The following NPNT variants were observed in gnomAD, a reference collection of about 807,000 sequenced individuals.
NPNT encodes the protein preosteoblast EGF-like repeat protein with MAM domain.
A neutral mutation model predicts 68.6 loss-of-function variants in NPNT; 45 were observed. The ratio of observed to expected loss-of-function variants is 0.66; its 90% CI spans 0.52 to 0.84. The LOEUF (loss-of-function observed/expected upper bound fraction) is 0.84. Among genes scored for constraint, NPNT ranks in the 40% least tolerant of loss-of-function variants. The pLI, the probability that NPNT is intolerant of heterozygous loss-of-function variation, is 0.00. For missense variants in NPNT, 672 were observed against 714.8 expected (o/e 0.94, Z 0.68); for synonymous variants, 233 against 253.3 (o/e 0.92, Z 0.76).
intron 10 of NPNT, among the ~76,000 whole-genome samples, chr4:105,966,142 T>C (rs918873813): frequency 3.9e-5 from 6 of 152,234 alleles, no homozygotes; most frequent in African/African-American, 9.6e-5. Flanking sequence ...CCAAAATAGA[T>C]ACACATGTTC....
chr4:105,900,834 G>GT (rs765343668), intron 2 of NPNT, among the ~76,000 whole-genome samples: 10,857 of 96,562 alleles, frequency 0.11, 545 homozygotes, highest in African/African-American at 0.22. Context: ...ACCCTTGGTT[G>GT]TTTTTTTTTT....
At chr4:105,951,284 C>T (rs1730817347) in intron 8 of NPNT, among the ~76,000 whole-genome samples, 2 of 152,154 alleles carry the variant, frequency 1.3e-5, no homozygotes, top group Non-Finnish European at 2.9e-5. Context: ...TTATGAGTGG[C>T]CATATCAGAG....
chr4:105,925,870 T>C lies in NPNT; in HGVS notation c.173-1466T>C, dbSNP rs1728638847. On this transcript the variant is annotated intron_variant, in intron 2 of 11. Coordinates refer to ENST00000379987, the MANE Select transcript of NPNT (RefSeq NM_001033047.3). ...AGAGCTTTGATAAGATTCCCAGAGC[T>C]TTGATTTTTATCAGGCAGTTATGAT... Among the ~76,000 whole-genome samples the C allele has an allele frequency of 2.0e-5, 3 of 152,308 alleles. No homozygotes were observed. The South Asian group carries it at 6.2e-4, about 32-fold the overall frequency.
chr4:105,952,418 C>A (rs1730905740), intron 8 of NPNT, among the ~76,000 whole-genome samples: 1 of 152,182 alleles, frequency 6.6e-6, no homozygotes, highest in African/African-American at 2.4e-5. Context: ...CACATCATCT[C>A]AACTTCTTTA....
rs372060820 is a variant in NPNT, at chr4:105,942,263, G to A, written c.764-44G>A. The A allele has an allele frequency of 1.4e-5, 21 of 1,472,680 alleles. No individual in the cohort carries two copies. The African/African-American group carries it at 2.4e-4, about 17-fold the overall frequency. The allele number at this position is 1,472,680 out of a possible 1,614,324, so 91.2% of individuals were successfully genotyped here. A position where few individuals can be genotyped will look rare whatever the true frequency, so the allele number is the denominator to read the frequency against. On this transcript the variant is annotated intron_variant, in intron 7 of 11. Coordinates refer to ENST00000379987, the MANE Select transcript of NPNT (RefSeq NM_001033047.3). ...TGTCAGTGTAATGCTTCACTTTTTA[G>A]GGAGGAATGGTTACATACTGATTTA...
At chr4:105,931,229 A>G (rs1393081626) in intron 3 of NPNT, among the ~76,000 whole-genome samples, 2 of 152,170 alleles carry the variant, frequency 1.3e-5, no homozygotes, top group Non-Finnish European at 1.5e-5. Flanking sequence ...GATTTTTAGT[A>G]TGTAAATATA....
rs148500512 is a variant in NPNT, at chr4:105,949,408, T to A, written c.1159+6706T>A. Among the ~76,000 whole-genome samples the A allele has an allele frequency of 5.1e-3, 783 of 152,286 alleles. 8 individuals carry two copies. Among genetic ancestry groups the A allele is most frequent in the African/African-American group, 0.018 (743 of 41,566 alleles). The stretch of plus-strand genomic sequence containing the variant: ...GTATCCCTCACTAGTTAGCTCTCGT[T>A]GCCTGGTTTTTGAGACTAATGGGTT... On this transcript the variant is annotated intron_variant, in intron 8 of 11. Transcript: ENST00000379987.
chr4:105,955,820 T>G (rs4403054), intron 8 of NPNT, among the ~76,000 whole-genome samples: 23,881 of 152,000 alleles, frequency 0.16, 3,106 homozygotes, highest in African/African-American at 0.36. Flanking sequence ...GGTGGGTAGT[T>G]TTTTTTCTCT....
intron 10 of NPNT, among the ~76,000 whole-genome samples, chr4:105,963,538 G>A (rs1420973766): frequency 6.6e-6 from 1 of 152,010 alleles, no homozygotes; most frequent in Admixed American, 6.6e-5. Context: ...AATTAACAAT[G>A]CCTCTAAGAA....
intron 8 of NPNT, among the ~76,000 whole-genome samples, chr4:105,950,452 A>T (rs1730734162): frequency 1.3e-5 from 2 of 151,790 alleles, no homozygotes; most frequent in African/African-American, 4.8e-5. Context: ...TTTATTTATT[A>T]TTTATTTATT....
chr4:105,959,812 T>C (rs898469415), intron 10 of NPNT, among the ~76,000 whole-genome samples: 36 of 124,708 alleles, frequency 2.9e-4, no homozygotes, highest in Non-Finnish European at 4.9e-4. Flanking sequence ...GTTAAATCTT[T>C]TTTTTTTTTT....
chr4:105,954,485 T>C (rs1731065947), intron 8 of NPNT, among the ~76,000 whole-genome samples: 2 of 152,206 alleles, frequency 1.3e-5, no homozygotes, highest in African/African-American at 4.8e-5. Context: ...ACTACCAGAA[T>C]GGTCATTTCA....
At position 105,895,675 on chromosome 4, in the gene NPNT, T is replaced by G. The variant is rs1177997825; in HGVS notation, c.23T>G (p.Val8Gly). The G allele has an allele frequency of 1.3e-6, 2 of 1,552,962 alleles. No homozygotes were observed. The highest frequency in any genetic ancestry group is 2.7e-5 in the African/African-American group (2 of 73,192). Residue 8 changes from valine to glycine, a missense_variant, in exon 1 of 12, where the codon GTG becomes GGG. By Grantham distance (109) the Val-to-Gly change is moderately radical (BLOSUM62 -3). Transcript: ENST00000379987. ...AACATGGATTTTCTCCTGGCGCTGG[T>G]GCTGGTATCCTCGCTCTACCTGCAG... MDFLLAL[V>G]LVSSLYLQAA...
chr4:105,911,547 T>G (rs1349206205), intron 2 of NPNT: 1 of 152,572 alleles, frequency 6.6e-6, no homozygotes, highest in Non-Finnish European at 1.5e-5. Flanking sequence ...TTCTTCCCTT[T>G]ACTTTCATCA....
chr4:105,962,883 G>GTGTGTATGTGTGTGTGTA (rs1396416651), intron 10 of NPNT, among the ~76,000 whole-genome samples: 1 of 151,268 alleles, frequency 6.6e-6, no homozygotes, highest in African/African-American at 2.4e-5. Flanking sequence ...GTGTGTGTGT[G>GTGTGTATGTGTGTGTGTA]TATGTATGTG....
At chr4:105,931,094 C>T (rs373952163) in intron 3 of NPNT, among the ~76,000 whole-genome samples, 2 of 152,102 alleles carry the variant, frequency 1.3e-5, no homozygotes, top group East Asian at 1.9e-4. Flanking sequence ...TTTACTTTTA[C>T]TTTTATTTAT....
Position 105,970,452 on chromosome 4 carries a change from A to G in NPNT, c.*1462A>G. Reference sequence around the variant, plus strand: ...ATGGAAAATTAAAGGAACTGGGATTATTGAGCCTGGAGAAGAGAAGACTGA... The same window carrying G: ...ATGGAAAATTAAAGGAACTGGGATTGTTGAGCCTGGAGAAGAGAAGACTGA... On this transcript the variant is annotated 3_prime_UTR_variant, in exon 12 of 12. Transcript: ENST00000379987. 1.4e-6 allele frequency: 1 copy of G among 700,126 alleles called. No homozygotes were observed. Among genetic ancestry groups the G allele is most frequent in the Non-Finnish European group, 2.6e-6 (1 of 382,918 alleles). The allele number at this position is 700,126 out of a possible 1,614,324, so 43.4% of individuals were successfully genotyped here. A position where few individuals can be genotyped will look rare whatever the true frequency, so the allele number is the denominator to read the frequency against.
Position 105,971,590 on chromosome 4 carries a change from T to C in NPNT, c.*2600T>C, listed in dbSNP as rs1156296952. ...TAACATCTTGTTTATTATTTAATGTTTTCTAAAATAAAAAATGTTAGTGGT... is the reference window on the plus strand; with the variant it reads ...TAACATCTTGTTTATTATTTAATGTCTTCTAAAATAAAAAATGTTAGTGGT... On this transcript the variant is annotated 3_prime_UTR_variant, in exon 12 of 12. Coordinates refer to ENST00000379987, the MANE Select transcript of NPNT (RefSeq NM_001033047.3). 6.5e-6 allele frequency: 1 copy of C among 152,938 alleles called. No homozygotes were observed. Among genetic ancestry groups the C allele is most frequent in the East Asian group, 1.9e-4 (1 of 5,202 alleles). The allele number at this position is 152,938 out of a possible 1,614,324, so 9.5% of individuals were successfully genotyped here. A position where few individuals can be genotyped will look rare whatever the true frequency, so the allele number is the denominator to read the frequency against.
At chr4:105,918,373 G>C (rs1727984896) in intron 2 of NPNT, among the ~76,000 whole-genome samples, 5 of 152,110 alleles carry the variant, frequency 3.3e-5, no homozygotes, top group Admixed American at 3.3e-4. Context: ...GGCCTTTTGT[G>C]ATGATTCTTT....
Sources: gnomAD v4.1 joint callset for allele counts (sites outside exome capture counted in the v4.1 genomes callset) on GRCh38, gnomAD v4.1.1 for gene constraint, MANE v1.5 for transcripts, NCBI Gene and HGNC (gene_info 2026-07-23, HGNC 2026-07-21) for gene names.